CRTAC1: variants seen among roughly 807,000 people sequenced by gnomAD.
The protein encoded by CRTAC1 is cartilage acidic protein 1, also known as acidic secreted protein in cartilage.
A neutral mutation model predicts 67.8 loss-of-function variants in CRTAC1; 37 were observed. That is an observed-to-expected ratio of 0.55 (90% CI 0.42 to 0.72). CRTAC1 has a LOEUF of 0.72. Ranked by LOEUF, CRTAC1 falls within the 30% of genes least tolerant of loss-of-function variation. The pLI is 0.00. For missense variants in CRTAC1, 780 were observed against 931.6 expected (o/e 0.84, Z 2.12); for synonymous variants, 348 against 371.0 (o/e 0.94, Z 0.71).
At chr10:97,876,541 G>A (rs1443707929) in intron 14 of CRTAC1, among the ~76,000 whole-genome samples, 1 of 152,180 alleles carries the variant, frequency 6.6e-6, no homozygotes, top group Non-Finnish European at 1.5e-5. Flanking sequence ...ACTGGAGTGA[G>A]TTGTGGCTGC....
Position 98,015,175 on chromosome 10 carries a change from G to A in CRTAC1, c.25-3838C>T, listed in dbSNP as rs148769239. Among the ~76,000 whole-genome samples, 1,264 of 152,268 alleles carry A rather than the reference G, an allele frequency of 8.3e-3. 24 individuals carry two copies. Among genetic ancestry groups the A allele is most frequent in the African/African-American group, 0.026 (1,090 of 41,546 alleles). ...AGAAAAAATAAAAAATAAATAAAAG[G>A]AAAGAAATTCGGACACAGAGTACAA... On this transcript the variant is annotated intron_variant, in intron 1 of 14. Coordinates refer to ENST00000370597, the MANE Select transcript of CRTAC1 (RefSeq NM_018058.7).
intron 2 of CRTAC1, among the ~76,000 whole-genome samples, chr10:97,947,969 G>A (rs1023288374): frequency 3.3e-5 from 5 of 152,092 alleles, no homozygotes; most frequent in Non-Finnish European, 5.9e-5. Context: ...GAAGGATTCC[G>A]TGCAGGGTAT....
chr10:98,003,348 A>G (rs1384041681), intron 2 of CRTAC1, among the ~76,000 whole-genome samples: 2 of 152,218 alleles, frequency 1.3e-5, no homozygotes, highest in South Asian at 2.1e-4. Context: ...TCTGTACATT[A>G]GAAGTCCAGC....
At chr10:97,885,801 G>C (rs1049984655) in intron 11 of CRTAC1, among the ~76,000 whole-genome samples, 8 of 152,196 alleles carry the variant, frequency 5.3e-5, no homozygotes, top group African/African-American at 1.7e-4. Flanking sequence ...GGGTCCTGCA[G>C]GGGGACCTGA....
In CRTAC1 at chr10:97,896,897, G is replaced by A; in HGVS notation, c.1216+12C>T. ...GGGGCAGTGCAGGCCAGATCCCCCA[G>A]GTGCCCCTCACCTGTGCCCCGGCCC... On this transcript the variant is annotated intron_variant, in intron 9 of 14. Transcript: ENST00000370597. 7.7e-7 allele frequency: 1 copy of A among 1,305,474 alleles called. No individual in the cohort carries two copies. The highest frequency in any genetic ancestry group is 1.2e-5 in the South Asian group (1 of 80,670). 80.9% of individuals were successfully genotyped at this position (1,305,474 alleles called of 1,614,324 possible).
At position 97,945,696 on chromosome 10, in the gene CRTAC1, G is replaced by A. The variant is rs1455518361; in HGVS notation, c.225-9330C>T. 2.0e-5 allele frequency among the ~76,000 whole-genome samples: 3 copies of A among 152,164 alleles called. No individual in the cohort carries two copies. The East Asian group carries it at 5.8e-4, about 29-fold the overall frequency. ...AAATAACAATAACAAAATCAGATTTGATCCTGATTTAGGAGCTGGCCAGAG... is the reference window on the plus strand; with the variant it reads ...AAATAACAATAACAAAATCAGATTTAATCCTGATTTAGGAGCTGGCCAGAG... On this transcript the variant is annotated intron_variant, in intron 2 of 14. Transcript: ENST00000370597.
In CRTAC1 at chr10:97,895,184, G is replaced by A; in HGVS notation, c.1486+61C>T. 1 of 1,540,428 alleles carries A rather than the reference G, an allele frequency of 6.5e-7. No homozygotes were observed. On this transcript the variant is annotated intron_variant, in intron 11 of 14. Transcript: ENST00000370597. This position sits in a 1 kb window ranked among gnomAD's most constrained non-coding sequence, Gnocchi z 4.2. ...GTGCCCAAGGATGCTCGGGCTGTGA[G>A]TCCCTGAATCAGTCAGCATCCTGAT...
chr10:97,977,086 T>C (rs1590256669), intron 2 of CRTAC1, among the ~76,000 whole-genome samples: 1 of 152,228 alleles, frequency 6.6e-6, no homozygotes, highest in East Asian at 1.9e-4. Context: ...ATGCAGTTGG[T>C]ATTCATGTGC....
intron 7 of CRTAC1, 84 bp downstream of exon 7, chr10:97,904,585 A>G: frequency 7.2e-7 from 1 of 1,388,594 alleles, no homozygotes; most frequent in Non-Finnish European, 9.5e-7. Flanking sequence ...ACACCTGGCC[A>G]ATTTTTGGTA....
intron 2 of CRTAC1, among the ~76,000 whole-genome samples, chr10:97,956,913 C>T (rs1212243888): frequency 2.0e-5 from 3 of 151,868 alleles, no homozygotes; most frequent in Non-Finnish European, 2.9e-5. Flanking sequence ...CTCAAGTGAT[C>T]CTCCCACCTC....
intron 2 of CRTAC1, among the ~76,000 whole-genome samples, chr10:97,987,410 G>A (rs1013404530): frequency 2.6e-5 from 4 of 152,308 alleles, no homozygotes; most frequent in African/African-American, 9.6e-5. Context: ...AATCTAGCTG[G>A]TGTCTTCTTT....
At chr10:98,018,199 C>CAAAAAAAAAAAAA (rs71007373) in intron 1 of CRTAC1, among the ~76,000 whole-genome samples, 1 of 48,654 alleles carries the variant, frequency 2.1e-5, no homozygotes, top group Non-Finnish European at 3.3e-5. Flanking sequence ...AAGATGCCCG[C>CAAAAAAAAAAAAA]AAAAAAAAAA....
At chr10:97,880,491 C>G in intron 13 of CRTAC1, 99 bp from the exon 14 acceptor site, 1 of 1,465,820 alleles carries the variant, frequency 6.8e-7, no homozygotes, top group Non-Finnish European at 9.3e-7. Context: ...GGGAATGTGC[C>G]TTCCTCGCAG....
chr10:98,023,546 C>T (rs1342346859), intron 1 of CRTAC1, among the ~76,000 whole-genome samples: 2 of 152,150 alleles, frequency 1.3e-5, no homozygotes, highest in Non-Finnish European at 2.9e-5. Context: ...TATTTCCCCA[C>T]CTGAAAAAAG....
At chr10:97,923,183 G>A in intron 4 of CRTAC1, 81 bp downstream of exon 4, 1 of 1,552,474 alleles carries the variant, frequency 6.4e-7, no homozygotes. Flanking sequence ...ACGCCACTCT[G>A]TCAGGGGACG....
intron 3 of CRTAC1, among the ~76,000 whole-genome samples, chr10:97,927,413 C>T (rs980849023): frequency 6.6e-6 from 1 of 152,200 alleles, no homozygotes; most frequent in Non-Finnish European, 1.5e-5. Flanking sequence ...TTATTTAACC[C>T]AGCCTTTCCC....
intron 2 of CRTAC1, among the ~76,000 whole-genome samples, chr10:98,003,356 A>T (rs1842728671): frequency 1.3e-5 from 2 of 152,214 alleles, no homozygotes; most frequent in Non-Finnish European, 2.9e-5. Context: ...TTAGAAGTCC[A>T]GCATTGGTCC....
At chr10:98,002,984 CAT>C (rs2136686025) in intron 2 of CRTAC1, among the ~76,000 whole-genome samples, 3 of 151,320 alleles carry the variant, frequency 2.0e-5, no homozygotes, top group African/African-American at 7.3e-5. Context: ...GGGGTTTCAC[CAT>C]GTTAGCCAGG....
intron 1 of CRTAC1, among the ~76,000 whole-genome samples, chr10:98,021,481 C>T (rs1415934533): frequency 3.9e-5 from 6 of 152,240 alleles, no homozygotes; most frequent in South Asian, 2.1e-4. Flanking sequence ...ATGGAATCTC[C>T]TAGCCTTATG....
Sources: gnomAD v4.1 joint callset for allele counts (sites outside exome capture counted in the v4.1 genomes callset) on GRCh38, gnomAD v4.1.1 for gene constraint, Gnocchi (gnomAD v3.1) non-coding constraint, MANE v1.5 for transcripts, NCBI Gene and HGNC (gene_info 2026-07-23, HGNC 2026-07-21) for gene names.